The following GALNTL6 variants were observed in gnomAD, a reference collection of about 807,000 sequenced individuals.
GALNTL6 encodes the protein polypeptide N-acetylgalactosaminyltransferase-like 6.
GALNTL6 carries 46 observed loss-of-function variants against 73.7 expected under a neutral mutation model. The ratio of observed to expected loss-of-function variants is 0.62; its 90% CI spans 0.49 to 0.80. The LOEUF is 0.80. GALNTL6 is among the 30% of genes least tolerant of loss of function. The pLI is 0.00. For synonymous variants in GALNTL6, 259 were observed against 263.7 expected, an observed-to-expected ratio of 0.98 and a Z score of 0.17; for missense variants, 604 against 755.0, an observed-to-expected ratio of 0.80 and a Z score of 2.34.
At chr4:171,831,730 T>TA (rs1734977249) in intron 2 of GALNTL6, among the ~76,000 whole-genome samples, 2 of 151,814 alleles carry the variant, frequency 1.3e-5, no homozygotes, top group African/African-American at 4.8e-5. Flanking sequence ...CATTCATTAA[T>TA]AAAAATATCA....
intron 5 of GALNTL6, among the ~76,000 whole-genome samples, chr4:172,785,370 A>C (rs1739594038): frequency 6.6e-6 from 1 of 152,166 alleles, no homozygotes; most frequent in Non-Finnish European, 1.5e-5. Context: ...AGATTTATTC[A>C]GCCTAAATAA....
At chr4:172,047,094 C>T (rs567510806) in intron 2 of GALNTL6, among the ~76,000 whole-genome samples, 1 of 152,186 alleles carries the variant, frequency 6.6e-6, no homozygotes, top group East Asian at 1.9e-4. Flanking sequence ...AACAAACTAA[C>T]CTGCTGAAAA....
At chr4:172,514,835 C>T (rs948885159) in intron 5 of GALNTL6, among the ~76,000 whole-genome samples, 14 of 152,070 alleles carry the variant, frequency 9.2e-5, no homozygotes, top group Admixed American at 7.2e-4. Flanking sequence ...TTTATTTCAG[C>T]TCTAGGTAAG....
At chr4:172,607,385 A>T (rs1470915654) in intron 5 of GALNTL6, among the ~76,000 whole-genome samples, 1 of 151,968 alleles carries the variant, frequency 6.6e-6, no homozygotes, top group Non-Finnish European at 1.5e-5. Context: ...ATAAGTGAAA[A>T]CATACGGTAT....
chr4:172,352,725 G>C (rs1263334150), intron 5 of GALNTL6, among the ~76,000 whole-genome samples: 1 of 152,026 alleles, frequency 6.6e-6, no homozygotes, highest in African/African-American at 2.4e-5. Flanking sequence ...TTTCCTTAAT[G>C]CAAGTATGGA....
At chr4:172,692,762 T>G (rs1274134624) in intron 5 of GALNTL6, among the ~76,000 whole-genome samples, 2 of 152,188 alleles carry the variant, frequency 1.3e-5, no homozygotes, top group African/African-American at 4.8e-5. Flanking sequence ...ATTGCAGTAT[T>G]CTGAATACAT....
At chr4:171,977,884 A>C (rs1479481322) in intron 2 of GALNTL6, among the ~76,000 whole-genome samples, 1 of 152,152 alleles carries the variant, frequency 6.6e-6, no homozygotes, top group Non-Finnish European at 1.5e-5. Context: ...CACAAGATAG[A>C]TTGGCTTACT....
intron 5 of GALNTL6, among the ~76,000 whole-genome samples, chr4:172,709,908 T>A (rs895473562): frequency 3.3e-5 from 5 of 152,002 alleles, no homozygotes; most frequent in Non-Finnish European, 5.9e-5. Flanking sequence ...CAAATGATTG[T>A]ACCGCATTGA....
chr4:172,189,380 G>A (rs566142183), intron 2 of GALNTL6, among the ~76,000 whole-genome samples: 1 of 152,186 alleles, frequency 6.6e-6, no homozygotes, highest in South Asian at 2.1e-4. Flanking sequence ...AATCTATAAG[G>A]CCAATTCCTT....
At chr4:172,484,511 A>G (rs937041578) in intron 5 of GALNTL6, among the ~76,000 whole-genome samples, 3 of 151,464 alleles carry the variant, frequency 2.0e-5, no homozygotes, top group Non-Finnish European at 4.4e-5. Context: ...CGCTGGTTGG[A>G]AACATTGGTG....
At position 172,206,805 on chromosome 4, in the gene GALNTL6, G is replaced by GTTTTTTTTTTTTTTT. The variant is rs778156050; in HGVS notation, c.139-22843_139-22842insTTTTTTTTTTTTTTT. ...TTGTTTTGTTTTGTTTTGTTTTTCT[G>GTTTTTTTTTTTTTTT]TTTTTTTTGTTTGTTTTTTTTTTTT... On this transcript the variant is annotated intron_variant, in intron 2 of 12. Transcript: ENST00000506823. Among the ~76,000 whole-genome samples the GTTTTTTTTTTTTTTT allele has an allele frequency of 4.6e-4, 12 of 26,170 alleles. 3 individuals are homozygous for GTTTTTTTTTTTTTTT. The highest frequency in any genetic ancestry group is 1.0e-3 in the African/African-American group (11 of 10,552). 17.2% of individuals were successfully genotyped at this position (26,170 alleles called of 152,430 possible). A position where few individuals can be genotyped will look rare whatever the true frequency, so the allele number is the denominator to read the frequency against.
intron 7 of GALNTL6, among the ~76,000 whole-genome samples, chr4:172,852,658 A>C (rs1158600121): frequency 6.6e-6 from 1 of 152,106 alleles, no homozygotes; most frequent in Non-Finnish European, 1.5e-5. Flanking sequence ...AGTGATAATA[A>C]AACTGTTTTC....
chr4:172,044,976 C>A (rs180797380), intron 2 of GALNTL6, among the ~76,000 whole-genome samples: 1 of 151,936 alleles, frequency 6.6e-6, no homozygotes, highest in Non-Finnish European at 1.5e-5. Context: ...AAATGTAAAA[C>A]CCATGTCAAG....
chr4:171,849,331 T>C (rs1233678482), intron 2 of GALNTL6, among the ~76,000 whole-genome samples: 1 of 152,216 alleles, frequency 6.6e-6, no homozygotes, highest in Non-Finnish European at 1.5e-5. Context: ...TCGCCATTTA[T>C]GTATTAAGTT....
At chr4:172,785,662 G>C (rs549502109) in intron 5 of GALNTL6, among the ~76,000 whole-genome samples, 10 of 152,098 alleles carry the variant, frequency 6.6e-5, no homozygotes, top group Non-Finnish European at 1.2e-4. Flanking sequence ...AGTAGGGTGA[G>C]GGCACAGAGA....
At chr4:172,262,272 G>T (rs1313736182) in intron 3 of GALNTL6, among the ~76,000 whole-genome samples, 2 of 151,328 alleles carry the variant, frequency 1.3e-5, no homozygotes, top group African/African-American at 2.4e-5. Context: ...CATTTCTTAG[G>T]TCTAGCAGTA....
chr4:172,694,689 GT>G (rs1364077238), intron 5 of GALNTL6, among the ~76,000 whole-genome samples: 1 of 152,230 alleles, frequency 6.6e-6, no homozygotes, highest in Non-Finnish European at 1.5e-5. Context: ...CGTGAGGAAA[GT>G]AGGGTTATTT....
At chr4:171,973,328 G>A (rs1463293057) in intron 2 of GALNTL6, among the ~76,000 whole-genome samples, 1 of 152,210 alleles carries the variant, frequency 6.6e-6, no homozygotes, top group South Asian at 2.1e-4. Flanking sequence ...CAATAGAAAT[G>A]TATTTTCTCA....
intron 9 of GALNTL6, among the ~76,000 whole-genome samples, chr4:172,947,403 A>T (rs888989836): frequency 5.9e-5 from 9 of 152,220 alleles, no homozygotes; most frequent in African/African-American, 2.2e-4. Context: ...GGACAGGGAC[A>T]TGCAATTTGA....
Sources: gnomAD v4.1 joint callset for allele counts (sites outside exome capture counted in the v4.1 genomes callset) on GRCh38, gnomAD v4.1.1 for gene constraint, MANE v1.5 for transcripts, NCBI Gene and HGNC (gene_info 2026-07-23, HGNC 2026-07-21) for gene names.